The following SLC36A1 variants were observed in gnomAD, a reference collection of about 807,000 sequenced individuals.
SLC36A1 encodes proton-coupled amino acid transporter 1.
Under a neutral mutation model 47.5 loss-of-function variants are expected in SLC36A1, and 30 were observed. The ratio of observed to expected loss-of-function variants is 0.63; its 90% CI spans 0.47 to 0.86. SLC36A1 has a LOEUF of 0.86. Among genes scored for constraint, SLC36A1 ranks in the 40% least tolerant of loss-of-function variants. The pLI is 0.00. For synonymous variants in SLC36A1, 255 were observed against 249.7 expected (o/e 1.02, Z -0.20); for missense variants, 517 against 606.0 (o/e 0.85, Z 1.54).
At chr5:151,405,240 G>A in the SLC36A1 span, among the ~76,000 whole-genome samples, 1 of 150,042 alleles carries the variant, frequency 6.7e-6, no homozygotes, top group Non-Finnish European at 1.5e-5. Context: ...GAATAATTTA[G>A]TTCCTTCTTA....
At chr5:151,384,470 CAT>C in the SLC36A1 span, among the ~76,000 whole-genome samples, 686 of 152,286 alleles carry the variant, frequency 4.5e-3, 7 homozygotes, top group African/African-American at 0.016. Context: ...TCAAGGCAAA[CAT>C]ATATGTTTCA....
At chr5:151,417,845 C>T in the SLC36A1 span, among the ~76,000 whole-genome samples, 1 of 152,206 alleles carries the variant, frequency 6.6e-6, no homozygotes, top group Admixed American at 6.5e-5. Context: ...ATGGGGAAAA[C>T]ATCTCCAGGG....
the SLC36A1 span, chr5:151,527,935 T>A: frequency 6.3e-7 from 1 of 1,577,890 alleles, no homozygotes; most frequent in Non-Finnish European, 8.6e-7. Flanking sequence ...CTTCTGGACC[T>A]GCAGTGGGAC....
At chr5:151,505,550 T>C in the SLC36A1 span, 6 of 1,613,890 alleles carry the variant, frequency 3.7e-6, no homozygotes, top group Non-Finnish European at 5.1e-6. Flanking sequence ...CCTGCCTTGC[T>C]CTGGGAATGG....
chr5:151,390,522 G>A, the SLC36A1 span, among the ~76,000 whole-genome samples: 2 of 152,188 alleles, frequency 1.3e-5, no homozygotes, highest in African/African-American at 4.8e-5. Context: ...TTTTCTTCTA[G>A]GGTTTTTATG....
chr5:151,355,830 A>C, the SLC36A1 span, among the ~76,000 whole-genome samples: 7 of 152,324 alleles, frequency 4.6e-5, no homozygotes, highest in African/African-American at 1.4e-4. Flanking sequence ...GAACCCAAAC[A>C]TAGAAAATAC....
At chr5:151,481,833 A>T (rs928837338) in intron 10 of SLC36A1, among the ~76,000 whole-genome samples, 20 of 152,158 alleles carry the variant, frequency 1.3e-4, no homozygotes, top group Non-Finnish European at 2.1e-4. Context: ...CTTCCAGCCC[A>T]TATTTTTGGA....
the SLC36A1 span, among the ~76,000 whole-genome samples, chr5:151,352,547 G>A: frequency 7.1e-6 from 1 of 140,644 alleles, no homozygotes; most frequent in African/African-American, 2.7e-5. Flanking sequence ...TTACAGTTCT[G>A]AAGGCCAGAA....
At chr5:151,359,390 A>C in the SLC36A1 span, among the ~76,000 whole-genome samples, 3 of 152,196 alleles carry the variant, frequency 2.0e-5, no homozygotes, top group Non-Finnish European at 4.4e-5. Flanking sequence ...TTTCTGGAGG[A>C]GGCATATTTT....
At chr5:151,387,736 G>A in the SLC36A1 span, among the ~76,000 whole-genome samples, 6 of 152,134 alleles carry the variant, frequency 3.9e-5, no homozygotes, top group Non-Finnish European at 7.3e-5. Context: ...CAAGTAGCTG[G>A]GAATACAGGC....
At chr5:151,455,419 A>C (rs1217590616) in intron 1 of SLC36A1, among the ~76,000 whole-genome samples, 1 of 152,076 alleles carries the variant, frequency 6.6e-6, no homozygotes, top group African/African-American at 2.4e-5. Flanking sequence ...TGGACCTTAA[A>C]TCTATAGATT....
the SLC36A1 span, chr5:151,538,068 A>T: frequency 4.1e-5 from 30 of 734,434 alleles, no homozygotes; most frequent in Middle Eastern, 5.0e-4. Flanking sequence ...GGCAGAGACG[A>T]AGAGAGACAG....
chr5:151,425,968 A>ATCTG, the SLC36A1 span, among the ~76,000 whole-genome samples: 1 of 103,088 alleles, frequency 9.7e-6, no homozygotes, highest in East Asian at 3.3e-4. Flanking sequence ...CTCTCCCTCT[A>ATCTG]TCTATCTATC....
chr5:151,505,898 G>C, the SLC36A1 span: 1 of 1,597,266 alleles, frequency 6.3e-7, no homozygotes, highest in Non-Finnish European at 8.5e-7. Flanking sequence ...AACGGGGTGG[G>C]AGAGGTGCCC....
In SLC36A1 at chr5:151,467,827, G is replaced by A; in HGVS notation, c.625G>A (p.Val209Ile). 6.2e-7 allele frequency: 1 copy of A among 1,613,896 alleles called. No individual in the cohort carries two copies. The highest frequency in any genetic ancestry group is 1.3e-5 in the African/African-American group (1 of 74,936). The change falls in exon 7 of 11, where the codon GTT (valine) becomes ATT (isoleucine). Residue 209 changes from valine (V) to isoleucine (I), a missense_variant. Val to Ile is a conservative substitution (Grantham distance 29). Transcript: ENST00000243389. ...CTTCCTGCCCTTCCTGGTGCTGCTGGTTTTCATCAGGAACCTCCGAGCCCT... is the reference window on the plus strand; with the variant it reads ...CTTCCTGCCCTTCCTGGTGCTGCTGATTTTCATCAGGAACCTCCGAGCCCT... The part of the protein sequence containing the change: ...LSFLPFLVLL[V>I]FIRNLRALSI...
At chr5:151,389,201 ATGT>A in the SLC36A1 span, among the ~76,000 whole-genome samples, 112 of 152,212 alleles carry the variant, frequency 7.4e-4, no homozygotes, top group South Asian at 4.2e-3. Context: ...CCTGTGCCTG[ATGT>A]TGTAACCATT....
At chr5:151,496,205 T>C (rs1760334845), downstream of SLC36A1, among the ~76,000 whole-genome samples, 1 of 152,088 alleles carries the variant, frequency 6.6e-6, no homozygotes, top group Non-Finnish European at 1.5e-5. Context: ...TAAAAAGGGG[T>C]GTCTCCCTGC....
chr5:151,486,296 C>T (rs374742533), intron 10 of SLC36A1, among the ~76,000 whole-genome samples: 58 of 152,280 alleles, frequency 3.8e-4, no homozygotes, highest in African/African-American at 1.2e-3. Context: ...TTTGCCCCCA[C>T]GACTCAAACA....
At chr5:151,470,895 A>G (rs1757228179) in intron 7 of SLC36A1, 1 of 152,176 alleles carries the variant, frequency 6.6e-6, no homozygotes, top group Admixed American at 6.5e-5. Flanking sequence ...GGAGTCTCAA[A>G]TGGAACAGTT....
Sources: allele counts gnomAD v4.1 joint callset (sites outside exome capture counted in the v4.1 genomes callset), GRCh38; gene constraint gnomAD v4.1.1; transcripts MANE v1.5; gene names NCBI Gene and HGNC (gene_info 2026-07-23, HGNC 2026-07-21).